SOX5: variants seen among roughly 807,000 people sequenced by gnomAD.
SOX5 encodes the protein transcription factor SOX-5.
A neutral mutation model predicts 92.0 loss-of-function variants in SOX5; 9 were observed. The observed-to-expected ratio is 0.10, with a 90% CI of 0.06 to 0.17. The LOEUF (loss-of-function observed/expected upper bound fraction) is 0.17, where lower values mean the gene tolerates loss of function less well. Ranked by LOEUF, SOX5 falls within the 10% of genes least tolerant of loss-of-function variation. The pLI, the probability that SOX5 is intolerant of heterozygous loss-of-function variation, is 1.00. For missense variants in SOX5, 642 were observed against 944.5 expected (o/e 0.68, Z 4.20); for synonymous variants, 344 against 336.3 (o/e 1.02, Z -0.25).
chr12:23,979,079 C>T (rs965683083), intron 4 of SOX5, among the ~76,000 whole-genome samples: 1 of 152,126 alleles, frequency 6.6e-6, no homozygotes, highest in Non-Finnish European at 1.5e-5. Flanking sequence ...CTTCACCTCT[C>T]CTCCTCACTT....
chr12:24,418,384 A>G (rs1184875541), intron 1 of SOX5, among the ~76,000 whole-genome samples: 1 of 152,182 alleles, frequency 6.6e-6, no homozygotes, highest in Admixed American at 6.5e-5. Flanking sequence ...CACTCTATAA[A>G]TAGCATTCAC....
At position 23,531,823 on chromosome 12, in the gene SOX5, A is replaced by G. The variant is rs1418645034; in HGVS notation, c.*2396T>C. 1 of 151,950 alleles carries G rather than the reference A, an allele frequency of 6.6e-6. No individual in the cohort carries two copies. Among genetic ancestry groups the G allele is most frequent in the Non-Finnish European group, 1.5e-5 (1 of 67,994 alleles). The allele number at this position is 151,950 out of a possible 1,614,324, so 9.4% of individuals were successfully genotyped here. A position where few individuals can be genotyped will look rare whatever the true frequency, so the allele number is the denominator to read the frequency against. On this transcript the variant is annotated 3_prime_UTR_variant, in exon 15 of 15. Transcript: ENST00000451604. ...TTCACTCCTTTGTTTTAAACATCAGAACTGATATTGTTGGGGCCAAAATTC... is the reference window on the plus strand; with the variant it reads ...TTCACTCCTTTGTTTTAAACATCAGGACTGATATTGTTGGGGCCAAAATTC...
At chr12:24,457,984 G>A (rs1566213492) in intron 1 of SOX5, among the ~76,000 whole-genome samples, 1 of 152,010 alleles carries the variant, frequency 6.6e-6, no homozygotes, top group South Asian at 2.1e-4. Flanking sequence ...TCCTAAATAG[G>A]GATGTGAGGT....
At chr12:24,040,911 T>C (rs1307074922) in intron 4 of SOX5, among the ~76,000 whole-genome samples, 1 of 152,006 alleles carries the variant, frequency 6.6e-6, no homozygotes, top group Non-Finnish European at 1.5e-5. Context: ...AATGGTAGAA[T>C]ACTTGCTTGT....
chr12:24,292,678 CTTAGT>C (rs1456879098), intron 2 of SOX5, among the ~76,000 whole-genome samples: 2 of 152,174 alleles, frequency 1.3e-5, no homozygotes, highest in African/African-American at 2.4e-5. Context: ...TTTTGTTCTT[CTTAGT>C]TAAGAAAAGT....
chr12:24,557,112 C>G (rs1953867421), intron 1 of SOX5, among the ~76,000 whole-genome samples: 1 of 152,062 alleles, frequency 6.6e-6, no homozygotes, highest in African/African-American at 2.4e-5. Flanking sequence ...TTAAGAAGGC[C>G]AGGCACGGTG....
chr12:24,396,576 C>T (rs1053846473), intron 1 of SOX5, among the ~76,000 whole-genome samples: 10 of 152,252 alleles, frequency 6.6e-5, no homozygotes, highest in African/African-American at 2.4e-4. Flanking sequence ...CTGCCAGCTC[C>T]TGCCTCCACT....
chr12:23,665,115 T>C (rs1003219524), intron 7 of SOX5, among the ~76,000 whole-genome samples: 1 of 152,196 alleles, frequency 6.6e-6, no homozygotes, highest in African/African-American at 2.4e-5. Context: ...TTTGGGTTTA[T>C]CTCACTGTTA....
chr12:23,979,698 G>GTTTTTTTGTTTTTTTTTTT (rs1949313537), intron 4 of SOX5, among the ~76,000 whole-genome samples: 2 of 64,692 alleles, frequency 3.1e-5, no homozygotes. Context: ...ATATATATAT[G>GTTTTTTTGTTTTTTTTTTT]TTTTTTTTGT....
chr12:24,300,603 C>T (rs1410548993), intron 2 of SOX5, among the ~76,000 whole-genome samples: 4 of 152,206 alleles, frequency 2.6e-5, no homozygotes, highest in African/African-American at 9.6e-5. Context: ...TTTATTCCTT[C>T]TGTTACTCTC....
intron 3 of SOX5, among the ~76,000 whole-genome samples, chr12:24,256,885 CA>C (rs2140211943): frequency 6.6e-6 from 1 of 152,318 alleles, no homozygotes; most frequent in African/African-American, 2.4e-5. Flanking sequence ...TGTCAACTGT[CA>C]TTAATTCCTC....
intron 4 of SOX5, among the ~76,000 whole-genome samples, chr12:24,107,333 A>T (rs994657669): frequency 1.3e-5 from 2 of 152,218 alleles, no homozygotes; most frequent in Admixed American, 1.3e-4. Context: ...ATTATAGTCC[A>T]AGGAAGAATG....
At chr12:23,895,238 T>C (rs1437485989) in intron 2 of SOX5, among the ~76,000 whole-genome samples, 1 of 149,104 alleles carries the variant, frequency 6.7e-6, no homozygotes, top group East Asian at 1.9e-4. Flanking sequence ...ATTACCGAAT[T>C]AACGAAACAA....
rs144219064 is a variant in SOX5, at chr12:24,106,999, C to A, written c.-2+106344G>T. On this transcript the variant is annotated intron_variant, in intron 4 of 4. Transcript: ENST00000446891. ...AAATTGAGGTAAGGTAAAGAAGAATCCTAGAAGTATTGAGGTAAAATTAAC... is the reference window on the plus strand; with the variant it reads ...AAATTGAGGTAAGGTAAAGAAGAATACTAGAAGTATTGAGGTAAAATTAAC... Among the ~76,000 whole-genome samples the A allele has an allele frequency of 5.1e-3, 781 of 151,918 alleles. 13 individuals carry two copies. The highest frequency in any genetic ancestry group is 0.018 in the African/African-American group (728 of 41,416).
At position 24,401,648 on chromosome 12, in the gene SOX5, T is replaced by C. The variant is rs559307115; in HGVS notation, c.-250-33009A>G. ...TGAATTCTGCCCAGGAGTTGGAAGA[T>C]GCAGTGGCACAATTGAGCCACTTCG... On this transcript the variant is annotated intron_variant, in intron 1 of 4. Transcript: ENST00000446891. Among the ~76,000 whole-genome samples the C allele has an allele frequency of 5.8e-5, 8 of 137,562 alleles. 1 individual carries two copies. In the South Asian group the frequency reaches 1.8e-3, roughly 31 times the overall value. The allele number at this position is 137,562 out of a possible 152,430, so 90.2% of individuals were successfully genotyped here.
At chr12:23,538,902 G>A (rs1941263224) in intron 13 of SOX5, among the ~76,000 whole-genome samples, 1 of 144,952 alleles carries the variant, frequency 6.9e-6, no homozygotes, top group African/African-American at 2.6e-5. Context: ...CCGGATTCAC[G>A]CCATTCTCCT....
At chr12:24,505,852 T>C (rs112639401) in intron 1 of SOX5, among the ~76,000 whole-genome samples, 7,185 of 146,176 alleles carry the variant, frequency 0.049, 195 homozygotes, top group Middle Eastern at 0.11. Context: ...TGTGTGTGTG[T>C]GCGTGTGTGT....
In SOX5 at chr12:23,596,448, A is replaced by AT. The variant is rs545002147; in HGVS notation, c.1164+7938dup. Among the ~76,000 whole-genome samples the AT allele has an allele frequency of 1.2e-4, 19 of 152,322 alleles. No individual in the cohort carries two copies. The East Asian group carries it at 3.5e-3, about 28-fold the overall frequency. ...GACCGCTAAAATTCTTCTTTTATGA[A>AT]TAAGTAAGAATGTGTAAGCAACATA... On this transcript the variant is annotated intron_variant, in intron 9 of 14. Transcript: ENST00000451604.
Position 23,719,805 on chromosome 12 carries a change from A to AC in SOX5, c.810+14878_810+14879insG, listed in dbSNP as rs1567208793. ...CTATTTACCAAAAAAAAAAAAAAAA[A>AC]AAAAAACTGATGGATAGTTATTTCT... On this transcript the variant is annotated intron_variant, in intron 6 of 14. Coordinates refer to ENST00000451604, the MANE Select transcript of SOX5 (RefSeq NM_006940.6). 1.9e-4 allele frequency among the ~76,000 whole-genome samples: 29 copies of AC among 149,046 alleles called. No individual in the cohort carries two copies. In the East Asian group the frequency reaches 2.9e-3, roughly 15 times the overall value.
Sources: allele counts gnomAD v4.1 joint callset (sites outside exome capture counted in the v4.1 genomes callset), GRCh38; gene constraint gnomAD v4.1.1; transcripts MANE v1.5; gene names NCBI Gene and HGNC (gene_info 2026-07-23, HGNC 2026-07-21).